Variants in NAALADL2 observed in about 807,000 individuals in gnomAD.
The protein encoded by NAALADL2 is inactive N-acetylated-alpha-linked acidic dipeptidase-like protein 2.
A neutral mutation model predicts 87.2 loss-of-function variants in NAALADL2; 76 were observed. The observed-to-expected ratio is 0.87, with a 90% CI of 0.72 to 1.05. The LOEUF is 1.05. Among genes scored for constraint, NAALADL2 ranks in the 50% least tolerant of loss-of-function variants. The pLI is 0.00. For missense variants in NAALADL2, 1,089 were observed against 945.8 expected (o/e 1.15, Z -1.99); for synonymous variants, 354 against 331.0 (o/e 1.07, Z -0.75).
chr3:174,774,497 G>C (rs1714971113), intron 3 of NAALADL2, among the ~76,000 whole-genome samples: 1 of 152,154 alleles, frequency 6.6e-6, no homozygotes, highest in African/African-American at 2.4e-5. Context: ...GTACATCCCA[G>C]AAGACAGAGG....
intron 3 of NAALADL2, among the ~76,000 whole-genome samples, chr3:174,815,863 T>A (rs897977792): frequency 1.5e-4 from 22 of 148,166 alleles, no homozygotes; most frequent in Non-Finnish European, 3.1e-4. Context: ...TTTTTAAGTT[T>A]CCTTTGGTAG....
chr3:174,960,416 A>C (rs1741806684), intron 1 of NAALADL2, among the ~76,000 whole-genome samples: 1 of 152,040 alleles, frequency 6.6e-6, no homozygotes, highest in African/African-American at 2.4e-5. Flanking sequence ...CTGGCGATGG[A>C]ATGTCAATCA....
At chr3:174,852,449 A>T (rs1725355995) in intron 3 of NAALADL2, among the ~76,000 whole-genome samples, 1 of 152,172 alleles carries the variant, frequency 6.6e-6, no homozygotes, top group South Asian at 2.1e-4. Flanking sequence ...AAACCAAAAA[A>T]GTAATCCCAT....
At chr3:175,103,106 CA>C (rs377685441) in intron 2 of NAALADL2, among the ~76,000 whole-genome samples, 79 of 122,238 alleles carry the variant, frequency 6.5e-4, no homozygotes, top group East Asian at 7.2e-4. Flanking sequence ...GACTCCGTCT[CA>C]AAAAAAAAAA....
chr3:175,139,994 C>T (rs1729751537), intron 2 of NAALADL2, among the ~76,000 whole-genome samples: 1 of 152,074 alleles, frequency 6.6e-6, no homozygotes, highest in Non-Finnish European at 1.5e-5. Context: ...GTAGATTGGA[C>T]AGGAGCCTGT....
chr3:174,818,477 T>A (rs1438354770), intron 3 of NAALADL2, among the ~76,000 whole-genome samples: 2 of 152,216 alleles, frequency 1.3e-5, no homozygotes, highest in East Asian at 3.8e-4. Context: ...AATCTGTAAG[T>A]ATTACATTGT....
intron 5 of NAALADL2, among the ~76,000 whole-genome samples, chr3:175,368,774 A>G (rs1182725195): frequency 6.6e-6 from 1 of 152,152 alleles, no homozygotes; most frequent in Non-Finnish European, 1.5e-5. Flanking sequence ...ATAGCTTATT[A>G]CTTCTAAGCT....
In NAALADL2 at chr3:175,135,705, C is replaced by T. The variant is rs570279387; in HGVS notation, c.545+38414C>T. Among the ~76,000 whole-genome samples, 192 of 152,144 alleles carry T rather than the reference C, an allele frequency of 1.3e-3. 1 individual carries two copies. In the Middle Eastern group the frequency reaches 0.024, roughly 19 times the overall value. On this transcript the variant is annotated intron_variant, in intron 2 of 13. Coordinates refer to ENST00000454872, the MANE Select transcript of NAALADL2 (RefSeq NM_207015.3). Reference sequence around the variant, plus strand: ...AACAGAGCAGGTGATCCTGAAAGATCCTGTGAATAGTAACTGGAGGATAGA... The same window carrying T: ...AACAGAGCAGGTGATCCTGAAAGATTCTGTGAATAGTAACTGGAGGATAGA...
In NAALADL2 at chr3:175,434,103, TA is replaced by T. The variant is rs534575295; in HGVS notation, c.1091-13125del. Among the ~76,000 whole-genome samples the T allele has an allele frequency of 1.0e-3, 153 of 152,160 alleles. 1 individual carries two copies. Among genetic ancestry groups the T allele is most frequent in the Non-Finnish European group, 1.9e-3 (130 of 67,986 alleles). On this transcript the variant is annotated intron_variant, in intron 5 of 13. Transcript: ENST00000454872. ...ATATTGTAAGAAACCAGGAAGGGAATATATTGAAATCTTTTACACTATCCAT... is the reference window on the plus strand; with the variant it reads ...ATATTGTAAGAAACCAGGAAGGGAATTATTGAAATCTTTTACACTATCCAT...
chr3:175,186,647 C>A (rs2862000), intron 2 of NAALADL2, among the ~76,000 whole-genome samples: 3 of 152,034 alleles, frequency 2.0e-5, no homozygotes, highest in Admixed American at 2.0e-4. Context: ...AATTTTGACG[C>A]CAAGTGCAGA....
intron 5 of NAALADL2, among the ~76,000 whole-genome samples, chr3:175,362,077 T>C (rs1414370169): frequency 6.7e-6 from 1 of 148,534 alleles, no homozygotes. Flanking sequence ...GTTTCAGCTT[T>C]CTACATATGG....
At chr3:174,966,890 A>G (rs1272585060) in intron 1 of NAALADL2, among the ~76,000 whole-genome samples, 12 of 152,188 alleles carry the variant, frequency 7.9e-5, no homozygotes, top group African/African-American at 2.9e-4. Context: ...CTTTCCGGAT[A>G]GAGTAAGAGA....
intron 2 of NAALADL2, among the ~76,000 whole-genome samples, chr3:174,694,386 G>A (rs1449395348): frequency 1.3e-5 from 2 of 151,942 alleles, no homozygotes; most frequent in Non-Finnish European, 2.9e-5. Context: ...ATATAATAAT[G>A]GATATGTATC....
chr3:174,451,927 C>T (rs1715519675), intron 1 of NAALADL2, among the ~76,000 whole-genome samples: 1 of 147,782 alleles, frequency 6.8e-6, no homozygotes, highest in Non-Finnish European at 1.5e-5. Flanking sequence ...ACTGCAACCT[C>T]CGCCTCTCGG....
intron 10 of NAALADL2, among the ~76,000 whole-genome samples, chr3:175,601,275 TTAA>T (rs1451162243): frequency 6.6e-6 from 1 of 152,210 alleles, no homozygotes; most frequent in Admixed American, 6.5e-5. Flanking sequence ...TAACACCATA[TTAA>T]TATCAACATA....
At chr3:174,759,322 A>G (rs781082385) in intron 3 of NAALADL2, among the ~76,000 whole-genome samples, 7 of 152,212 alleles carry the variant, frequency 4.6e-5, no homozygotes, top group Non-Finnish European at 1.0e-4. Context: ...CACAATTTAC[A>G]TTAAAGACCC....
At chr3:175,492,367 C>CT (rs111313867) in intron 9 of NAALADL2, among the ~76,000 whole-genome samples, 25 of 152,260 alleles carry the variant, frequency 1.6e-4, no homozygotes, top group African/African-American at 5.8e-4. Flanking sequence ...AGACAGGATA[C>CT]TTTTCATCTG....
intron 1 of NAALADL2, among the ~76,000 whole-genome samples, chr3:175,069,046 A>G (rs1715071223): frequency 6.6e-6 from 1 of 152,132 alleles, no homozygotes; most frequent in African/African-American, 2.4e-5. Context: ...TAGACCTAAA[A>G]CAATAAAAAC....
intron 9 of NAALADL2, among the ~76,000 whole-genome samples, chr3:175,552,109 CTA>C (rs1560745619): frequency 6.6e-6 from 1 of 151,722 alleles, no homozygotes; most frequent in African/African-American, 2.4e-5. Context: ...ATATATAAAA[CTA>C]TGTACATATT....
Sources: gnomAD v4.1 joint callset for allele counts (sites outside exome capture counted in the v4.1 genomes callset) on GRCh38, gnomAD v4.1.1 for gene constraint, MANE v1.5 for transcripts, NCBI Gene and HGNC (gene_info 2026-07-23, HGNC 2026-07-21) for gene names.